The following IL7 variants were observed in gnomAD, a reference collection of about 807,000 sequenced individuals.
IL7 encodes interleukin-7.
Under a neutral mutation model 21.6 loss-of-function variants are expected in IL7, and 3 were observed. The ratio of observed to expected loss-of-function variants is 0.14; its 90% CI spans 0.06 to 0.36. IL7 has a LOEUF of 0.36. Ranked by LOEUF, IL7 falls within the 10% of genes least tolerant of loss-of-function variation. The pLI is 1.00. For missense variants in IL7, 175 were observed against 200.2 expected (o/e 0.87, Z 0.76); for synonymous variants, 62 against 68.1 (o/e 0.91, Z 0.44).
At chr8:78,678,486 C>A (rs1056494211) in intron 4 of IL7, 4 of 1,078,330 alleles carry the variant, frequency 3.7e-6, no homozygotes, top group Non-Finnish European at 5.4e-6. Context: ...TTAAACTGGT[C>A]TCAATGTAAA....
intron 2 of IL7, among the ~76,000 whole-genome samples, chr8:78,740,566 C>G (rs1811743396): frequency 6.6e-6 from 1 of 152,102 alleles, no homozygotes; most frequent in African/African-American, 2.4e-5. Flanking sequence ...ATACCTAAAC[C>G]CTTTACCCCT....
intron 3 of IL7, among the ~76,000 whole-genome samples, chr8:78,726,534 A>T (rs1463951548): frequency 6.6e-6 from 1 of 151,992 alleles, no homozygotes; most frequent in African/African-American, 2.4e-5. Flanking sequence ...TATAACCTGA[A>T]TATACTTTTT....
At chr8:78,781,327 T>A (rs1374634104) in intron 2 of IL7, among the ~76,000 whole-genome samples, 1 of 152,220 alleles carries the variant, frequency 6.6e-6, no homozygotes, top group African/African-American at 2.4e-5. Flanking sequence ...GTCTGTGTAC[T>A]TCAGTGTGTT....
intron 3 of IL7, among the ~76,000 whole-genome samples, chr8:78,687,185 A>C (rs1057176077): frequency 6.6e-6 from 1 of 152,056 alleles, no homozygotes; most frequent in Non-Finnish European, 1.5e-5. Flanking sequence ...CGAAAAACTT[A>C]AAGTGACAAA....
chr8:78,739,691 CA>C (rs1218578846), intron 3 of IL7, among the ~76,000 whole-genome samples: 53 of 97,190 alleles, frequency 5.5e-4, no homozygotes, highest in Admixed American at 2.0e-3. Flanking sequence ...ACTCTGCCTC[CA>C]AAAAAAAAAA....
chr8:78,699,585 C>T (rs1352593473), intron 3 of IL7, among the ~76,000 whole-genome samples: 3 of 152,014 alleles, frequency 2.0e-5, no homozygotes, highest in Admixed American at 2.0e-4. Flanking sequence ...GCCTAGTACC[C>T]ATCAGTTATT....
intron 2 of IL7, among the ~76,000 whole-genome samples, chr8:78,740,867 T>TG (rs1811756258): frequency 1.4e-5 from 2 of 142,404 alleles, no homozygotes; most frequent in African/African-American, 5.1e-5. Context: ...ATGTGCGCTA[T>TG]TTTTTTTTTC....
intron 3 of IL7, among the ~76,000 whole-genome samples, chr8:78,692,848 A>T (rs918306112): frequency 6.6e-6 from 1 of 152,098 alleles, no homozygotes; most frequent in Admixed American, 6.6e-5. Context: ...CGTCATTTAC[A>T]TGGAGTATAT....
intron 2 of IL7, chr8:78,747,094 A>G (rs997362139): frequency 2.2e-5 from 10 of 454,004 alleles, no homozygotes; most frequent in Admixed American, 1.7e-4. Context: ...TGTAGGGCTG[A>G]TTCTAAGGAT....
intron 4 of IL7, among the ~76,000 whole-genome samples, chr8:78,685,403 G>A (rs1343185325): frequency 1.3e-5 from 2 of 152,102 alleles, no homozygotes; most frequent in Admixed American, 1.3e-4. Context: ...TTGGTGTGAG[G>A]TTGCACCTGG....
chr8:78,677,300 A>C (rs1323006932), intron 4 of IL7, among the ~76,000 whole-genome samples: 1 of 152,096 alleles, frequency 6.6e-6, no homozygotes, highest in Admixed American at 6.6e-5. Context: ...GACAGCTTCC[A>C]TTCTAATGTC....
At chr8:78,687,516 T>C (rs1446916269) in intron 3 of IL7, among the ~76,000 whole-genome samples, 1 of 144,100 alleles carries the variant, frequency 6.9e-6, no homozygotes, top group Non-Finnish European at 1.5e-5. Flanking sequence ...TTATATATAT[T>C]TATATAATAA....
chr8:78,804,990 A>C lies in IL7; in HGVS notation c.-68T>G. The C allele has an allele frequency of 6.4e-7, 1 of 1,557,334 alleles. No homozygotes were observed. Among genetic ancestry groups the C allele is most frequent in the South Asian group, 1.2e-5 (1 of 86,130 alleles). ...GCAGGAGCAAGCTCTCACCGCCCATAGTCACTCCCAGGACCCTGGTCTTCC... is the reference window on the plus strand; with the variant it reads ...GCAGGAGCAAGCTCTCACCGCCCATCGTCACTCCCAGGACCCTGGTCTTCC... On this transcript the variant is annotated 5_prime_UTR_variant, in exon 1 of 6. Coordinates refer to ENST00000263851, the MANE Select transcript of IL7 (RefSeq NM_000880.4).
chr8:78,789,144 G>A (rs997196423), intron 2 of IL7, among the ~76,000 whole-genome samples: 2 of 152,068 alleles, frequency 1.3e-5, no homozygotes, highest in Non-Finnish European at 2.9e-5. Context: ...GCAACGTAAA[G>A]TAGGGTTTTT....
downstream of IL7, chr8:78,717,201 A>G (rs1811133598): frequency 1.2e-6 from 1 of 801,530 alleles, no homozygotes; most frequent in South Asian, 2.8e-5. Flanking sequence ...TAAAATTTGA[A>G]CTAGAGGAAT....
At chr8:78,702,471 C>T (rs187321494) in intron 3 of IL7, among the ~76,000 whole-genome samples, 1 of 152,144 alleles carries the variant, frequency 6.6e-6, no homozygotes, top group East Asian at 1.9e-4. Flanking sequence ...TTCAGTTTAG[C>T]TCTGATTTTG....
intron 3 of IL7, among the ~76,000 whole-genome samples, chr8:78,702,485 A>G (rs1453128671): frequency 2.6e-5 from 4 of 151,664 alleles, no homozygotes; most frequent in Admixed American, 2.6e-4. Context: ...GATTTTGACT[A>G]TTTCTTGTCT....
downstream of IL7, among the ~76,000 whole-genome samples, chr8:78,715,675 A>G (rs1295261028): frequency 6.6e-6 from 1 of 152,152 alleles, no homozygotes; most frequent in Non-Finnish European, 1.5e-5. Context: ...TGTACTAGCA[A>G]AATAGCAAAA....
intron 2 of IL7, among the ~76,000 whole-genome samples, chr8:78,773,266 G>A (rs1472468109): frequency 6.6e-6 from 1 of 152,062 alleles, no homozygotes; most frequent in East Asian, 1.9e-4. Context: ...TTGGGATGTG[G>A]GAGGAAACCA....
Sources: gnomAD v4.1 joint callset for allele counts (sites outside exome capture counted in the v4.1 genomes callset) on GRCh38, gnomAD v4.1.1 for gene constraint, MANE v1.5 for transcripts, NCBI Gene and HGNC (gene_info 2026-07-23, HGNC 2026-07-21) for gene names.